The following PHKB variants were observed in gnomAD, a reference collection of about 807,000 sequenced individuals.
PHKB encodes the protein phosphorylase kinase regulatory subunit beta.
A neutral mutation model predicts 152.1 loss-of-function variants in PHKB; 122 were observed. That is an observed-to-expected ratio of 0.80 (90% CI 0.69 to 0.93). The LOEUF (loss-of-function observed/expected upper bound fraction) is 0.93. PHKB is among the 40% of genes least tolerant of loss of function. PHKB has a pLI of 0.00. For missense variants in PHKB, 1,304 were observed against 1,328.4 expected (o/e 0.98, Z 0.29); for synonymous variants, 436 against 464.9 (o/e 0.94, Z 0.80).
chr16:47,701,511 A>G lies in PHKB; in HGVS notation c.*2145A>G, dbSNP rs1974246522. ...TTATATTTAGAATCAGTAAATCTTGATATTCACCTTTACAAAAGCCAATGC... is the reference window on the plus strand; with the variant it reads ...TTATATTTAGAATCAGTAAATCTTGGTATTCACCTTTACAAAAGCCAATGC... On this transcript the variant is annotated 3_prime_UTR_variant, in exon 31 of 31. Transcript: ENST00000323584. 6.6e-6 allele frequency: 1 copy of G among 152,356 alleles called. No homozygotes were observed. Among genetic ancestry groups the G allele is most frequent in the Admixed American group, 6.5e-5 (1 of 15,304 alleles). 9.4% of individuals were successfully genotyped at this position (152,356 alleles called of 1,614,324 possible).
At chr16:47,611,029 A>C (rs568120178) in intron 14 of PHKB, 109 bp downstream of exon 14, 51 of 732,738 alleles carry the variant, frequency 7.0e-5, no homozygotes, top group Non-Finnish European at 1.3e-4. Flanking sequence ...TCTGACGGAA[A>C]GGTTTCTCCC....
intron 8 of PHKB, among the ~76,000 whole-genome samples, chr16:47,580,741 T>G (rs114184446): frequency 6.6e-6 from 1 of 152,106 alleles, no homozygotes; most frequent in Admixed American, 6.5e-5. Flanking sequence ...TGTATTTCAA[T>G]GTATATCTCA....
Position 47,698,562 on chromosome 16 carries a change from A to C in PHKB, c.3118A>C (p.Ser1040Arg). ...ATTTAATGAATTTCAAAAAGATCAG[A>C]GTCGGCTAAAGGAAATTGAAAAACA... ...EAFNEFQKDQSRLKEIEKQDD... is the reference protein window; with the variant it reads ...EAFNEFQKDQRRLKEIEKQDD... The change falls in exon 30 of 31, where the codon AGT becomes CGT. Residue 1040 changes from serine (S) to arginine (R), a missense_variant. Transcript: ENST00000323584. 2 of 1,546,484 alleles carry C rather than the reference A, an allele frequency of 1.3e-6. No homozygotes were observed. The highest frequency in any genetic ancestry group is 1.8e-6 in the Non-Finnish European group (2 of 1,129,382).
At chr16:47,515,089 G>A (rs570508136) in intron 5 of PHKB, among the ~76,000 whole-genome samples, 1 of 152,224 alleles carries the variant, frequency 6.6e-6, no homozygotes, top group South Asian at 2.1e-4. Flanking sequence ...TCATTTCCAT[G>A]TATTTGAGAT....
chr16:47,538,353 C>A (rs74797405), intron 6 of PHKB, among the ~76,000 whole-genome samples: 1,923 of 152,214 alleles, frequency 0.013, 34 homozygotes, highest in South Asian at 0.055. Flanking sequence ...GCAAGGTAGC[C>A]CGAGTTGGGT....
At chr16:47,653,301 G>A (rs1265351267) in intron 20 of PHKB, among the ~76,000 whole-genome samples, 2 of 152,090 alleles carry the variant, frequency 1.3e-5, no homozygotes, top group African/African-American at 4.8e-5. Context: ...GCTCTCCACT[G>A]TGCCTTATAC....
At chr16:47,466,367 A>G (rs1296045713) in intron 1 of PHKB, among the ~76,000 whole-genome samples, 2 of 152,190 alleles carry the variant, frequency 1.3e-5, no homozygotes, top group Admixed American at 1.3e-4. Flanking sequence ...TGGCCACTAC[A>G]GTTATATTAA....
At chr16:47,477,198 T>C (rs1055288393) in intron 1 of PHKB, among the ~76,000 whole-genome samples, 1 of 152,200 alleles carries the variant, frequency 6.6e-6, no homozygotes, top group Admixed American at 6.5e-5. Context: ...CCCATGACAT[T>C]TTATACAGGC....
intron 7 of PHKB, among the ~76,000 whole-genome samples, chr16:47,559,762 A>G (rs1971445056): frequency 6.6e-6 from 1 of 152,162 alleles, no homozygotes; most frequent in Non-Finnish European, 1.5e-5. Context: ...ACCACATCCT[A>G]TTTGTTAGAG....
At chr16:47,615,662 G>A (rs923709287) in intron 14 of PHKB, among the ~76,000 whole-genome samples, 2 of 152,226 alleles carry the variant, frequency 1.3e-5, no homozygotes, top group African/African-American at 4.8e-5. Flanking sequence ...TTCTTCAAGT[G>A]CTGAGGCCTC....
rs1191661371 is a variant in PHKB at position 47,596,379 on chromosome 16, C to T, written c.1211C>T (p.Pro404Leu). ...TTATTTTTAAACTCCATAGGATATC[C>T]TGTTGTACCAAAGTACTATTATGTG... ...PVLHHTTEGY[P>L]VVPKYYYVPA... The change falls in exon 13 of 31, where the codon CCT (proline) becomes CTT (leucine). Residue 404 changes from proline to leucine, a missense_variant. Physicochemically the swap from Pro to Leu is moderately conservative, Grantham distance 98. Coordinates refer to ENST00000323584, the MANE Select transcript of PHKB (RefSeq NM_000293.3). 3 of 1,600,176 alleles carry T rather than the reference C, an allele frequency of 1.9e-6. No individual in the cohort carries two copies. The African/African-American group carries it at 4.0e-5, about 21-fold the overall frequency.
At position 47,473,042 on chromosome 16, in the gene PHKB, G is replaced by GT. The variant is rs970277549; in HGVS notation, c.76+11627dup. ...GTTCATTGTAGCTTCTAGGATCTGT[G>GT]TTTTTTTTTTTGTTTGTTTGTTTGT... On this transcript the variant is annotated intron_variant, in intron 1 of 30. Transcript: ENST00000323584. Among the ~76,000 whole-genome samples, 828 of 145,196 alleles carry GT rather than the reference G, an allele frequency of 5.7e-3. 6 individuals carry two copies. The highest frequency in any genetic ancestry group is 0.011 in the Middle Eastern group (3 of 276).
At chr16:47,602,359 T>G (rs1972243539) in intron 13 of PHKB, among the ~76,000 whole-genome samples, 1 of 152,220 alleles carries the variant, frequency 6.6e-6, no homozygotes, top group Non-Finnish European at 1.5e-5. Context: ...GTTCCCAACT[T>G]AATTTCTTGG....
chr16:47,670,307 A>G (rs1973616132), intron 26 of PHKB, among the ~76,000 whole-genome samples: 3 of 152,166 alleles, frequency 2.0e-5, no homozygotes, highest in African/African-American at 7.2e-5. Flanking sequence ...TTGGGTGCAA[A>G]CATACATGTA....
At chr16:47,516,854 A>G (rs576834742) in intron 6 of PHKB, among the ~76,000 whole-genome samples, 24 of 152,324 alleles carry the variant, frequency 1.6e-4, no homozygotes, top group Non-Finnish European at 3.2e-4. Context: ...AAAGAATTCT[A>G]TGGTTTCATT....
intron 6 of PHKB, among the ~76,000 whole-genome samples, chr16:47,539,567 A>ATT (rs1244361143): frequency 6.6e-6 from 1 of 152,134 alleles, no homozygotes; most frequent in Non-Finnish European, 1.5e-5. Context: ...GAAGATTTAA[A>ATT]TTTTATTTCT....
At chr16:47,626,551 G>T (rs2151717975) in intron 14 of PHKB, among the ~76,000 whole-genome samples, 1 of 152,286 alleles carries the variant, frequency 6.6e-6, no homozygotes, top group South Asian at 2.1e-4. Flanking sequence ...GCTGCACTTG[G>T]CAATTCTCTA....
chr16:47,462,054 T>A (rs569296118), intron 1 of PHKB: 1 of 152,422 alleles, frequency 6.6e-6, no homozygotes, highest in East Asian at 1.9e-4. Context: ...AGCATAGAGG[T>A]CAGAAGGTGC....
At chr16:47,657,196 G>T (rs560144578) in intron 20 of PHKB, among the ~76,000 whole-genome samples, 2 of 152,114 alleles carry the variant, frequency 1.3e-5, no homozygotes, top group African/African-American at 4.8e-5. Context: ...TCAGCTCAAG[G>T]TTCACTCATC....
Sources: gnomAD v4.1 joint callset for allele counts (sites outside exome capture counted in the v4.1 genomes callset) on GRCh38, gnomAD v4.1.1 for gene constraint, MANE v1.5 for transcripts, NCBI Gene and HGNC (gene_info 2026-07-23, HGNC 2026-07-21) for gene names.